The following CDH13 variants were observed in gnomAD, a reference collection of about 807,000 sequenced individuals.
The protein encoded by CDH13 is cadherin 13, also known as cadherin-13.
In CDH13, 24 loss-of-function variants were observed where a neutral mutation model predicts 63.8. The observed-to-expected ratio is 0.38, with a 90% CI of 0.27 to 0.53. The LOEUF is 0.53. Ranked by LOEUF, CDH13 falls within the 20% of genes least tolerant of loss-of-function variation. The pLI, the probability that CDH13 is intolerant of heterozygous loss-of-function variation, is 0.85. For synonymous variants in CDH13, 503 were observed against 355.3 expected, an observed-to-expected ratio of 1.42 and a Z score of -4.67; for missense variants, 1,049 against 903.1, an observed-to-expected ratio of 1.16 and a Z score of -2.07.
rs1322321397 is a variant in CDH13 at position 83,545,483 on chromosome 16, C to G, written c.961-56971C>G. 6.6e-5 allele frequency among the ~76,000 whole-genome samples: 10 copies of G among 152,328 alleles called. No individual in the cohort carries two copies. The South Asian group carries it at 1.2e-3, about 19-fold the overall frequency. ...CTCATGCTTAAAGAAGTCTCATTGTCTGCACTGTCCAGAGAGGGGAAAGTC... is the reference window on the plus strand; with the variant it reads ...CTCATGCTTAAAGAAGTCTCATTGTGTGCACTGTCCAGAGAGGGGAAAGTC... On this transcript the variant is annotated intron_variant, in intron 7 of 13. Transcript: ENST00000567109.
chr16:82,716,774 T>C (rs1686696590), intron 1 of CDH13, among the ~76,000 whole-genome samples: 1 of 151,358 alleles, frequency 6.6e-6, no homozygotes, highest in South Asian at 2.1e-4. Context: ...CCAGGTCTGT[T>C]TTAATGAGCC....
At chr16:82,709,507 C>G (rs935936585) in intron 1 of CDH13, among the ~76,000 whole-genome samples, 2 of 152,154 alleles carry the variant, frequency 1.3e-5, no homozygotes, top group African/African-American at 4.8e-5. Context: ...TAACTCTAGG[C>G]TGGTTACTCA....
chr16:83,185,140 G>C (rs1266273483), intron 4 of CDH13, among the ~76,000 whole-genome samples: 1 of 152,082 alleles, frequency 6.6e-6, no homozygotes, highest in Non-Finnish European at 1.5e-5. Context: ...GGGTCCTACA[G>C]CTGGTCGTGG....
chr16:82,753,600 G>C (rs1384336178), intron 1 of CDH13, among the ~76,000 whole-genome samples: 1 of 152,126 alleles, frequency 6.6e-6, no homozygotes, highest in Non-Finnish European at 1.5e-5. Flanking sequence ...ATTCTTTATA[G>C]CCAAATGGAA....
Position 82,659,638 on chromosome 16 carries a change from C to A in CDH13, c.45+32501C>A, listed in dbSNP as rs7199579. Among the ~76,000 whole-genome samples the A allele has an allele frequency of 4.4e-3, 666 of 152,292 alleles. 2 individuals carry two copies. Among genetic ancestry groups the A allele is most frequent in the African/African-American group, 0.015 (630 of 41,550 alleles). On this transcript the variant is annotated intron_variant, in intron 1 of 13. Transcript: ENST00000567109. ...ATATAATACCACGTCCACAAGAACC[C>A]ACCCACAGGCCAGGTACTGTGCGAG... is the stretch of plus-strand genomic sequence containing the variant.
intron 5 of CDH13, among the ~76,000 whole-genome samples, chr16:83,285,767 A>G (rs963637785): frequency 6.6e-6 from 1 of 152,132 alleles, no homozygotes; most frequent in African/African-American, 2.4e-5. Context: ...CCAAGGGACA[A>G]TTGTAACTGG....
chr16:83,318,738 C>G (rs927968845), intron 5 of CDH13, among the ~76,000 whole-genome samples: 1 of 152,150 alleles, frequency 6.6e-6, no homozygotes, highest in Non-Finnish European at 1.5e-5. Context: ...CTCAGAAGGT[C>G]TGCCAGGAAC....
intron 1 of CDH13, among the ~76,000 whole-genome samples, chr16:82,659,943 G>T (rs1050882587): frequency 6.6e-6 from 1 of 152,110 alleles, no homozygotes; most frequent in Non-Finnish European, 1.5e-5. Context: ...GGAGGGAAAG[G>T]GGGGAAAGTG....
chr16:82,750,947 C>A (rs1022829022), intron 1 of CDH13, among the ~76,000 whole-genome samples: 1 of 152,136 alleles, frequency 6.6e-6, no homozygotes, highest in Non-Finnish European at 1.5e-5. Context: ...ATCTTCAAAC[C>A]ACAACAGTGA....
At chr16:82,760,767 C>G (rs1000983521) in intron 1 of CDH13, among the ~76,000 whole-genome samples, 1 of 152,042 alleles carries the variant, frequency 6.6e-6, no homozygotes, top group Non-Finnish European at 1.5e-5. Flanking sequence ...TGGTGAGGGC[C>G]TCAGGCAGTT....
intron 5 of CDH13, among the ~76,000 whole-genome samples, chr16:83,239,630 A>AT (rs1319061980): frequency 6.6e-6 from 1 of 152,110 alleles, no homozygotes; most frequent in East Asian, 1.9e-4. Flanking sequence ...GACTGAGGTG[A>AT]TTTTTTTCTG....
chr16:83,034,071 G>A (rs1247272347), intron 3 of CDH13, among the ~76,000 whole-genome samples: 4 of 152,138 alleles, frequency 2.6e-5, no homozygotes, highest in Admixed American at 6.5e-5. Context: ...TGCTGTCTGT[G>A]TGATCTTGAG....
Position 83,624,063 on chromosome 16 carries a change from A to C in CDH13, c.1101+21469A>C, listed in dbSNP as rs541993629. Among the ~76,000 whole-genome samples the C allele has an allele frequency of 5.3e-5, 8 of 152,258 alleles. No homozygotes were observed. The South Asian group carries it at 1.7e-3, about 32-fold the overall frequency. ...TCCAGCTTCAGGTGCAGCTGCGTCT[A>C]AGCCCTCAGACAATGTGGACGGGAT... On this transcript the variant is annotated intron_variant, in intron 8 of 13. Transcript: ENST00000567109.
At chr16:83,650,382 G>C (rs1912255835) in intron 8 of CDH13, among the ~76,000 whole-genome samples, 1 of 152,132 alleles carries the variant, frequency 6.6e-6, no homozygotes, top group South Asian at 2.1e-4. Context: ...CCCAGAAAAT[G>C]TTACTATGCT....
At chr16:83,472,126 C>T (rs9922036) in intron 6 of CDH13, among the ~76,000 whole-genome samples, 3,822 of 152,234 alleles carry the variant, frequency 0.025, 165 homozygotes, top group African/African-American at 0.087. Flanking sequence ...TTAATCCATG[C>T]ACCAACCCCA....
intron 5 of CDH13, among the ~76,000 whole-genome samples, chr16:83,286,098 T>A (rs565149856): frequency 1.3e-5 from 2 of 152,144 alleles, no homozygotes; most frequent in Non-Finnish European, 2.9e-5. Context: ...CTGGCAAGTC[T>A]GAGCAACGTT....
chr16:83,293,902 C>A (rs1366161175), intron 5 of CDH13, among the ~76,000 whole-genome samples: 1 of 152,040 alleles, frequency 6.6e-6, no homozygotes, highest in Admixed American at 6.5e-5. Flanking sequence ...TATACTATGC[C>A]CTTAGCATGT....
chr16:82,886,119 G>A (rs116278608), intron 2 of CDH13, among the ~76,000 whole-genome samples: 2 of 152,022 alleles, frequency 1.3e-5, no homozygotes, highest in African/African-American at 2.4e-5. Context: ...TCATTTTAAA[G>A]GTTTCTTTAA....
At chr16:82,994,734 A>G (rs1340073065) in intron 2 of CDH13, among the ~76,000 whole-genome samples, 4 of 152,220 alleles carry the variant, frequency 2.6e-5, no homozygotes, top group Admixed American at 2.0e-4. Context: ...TCAAGCCCCA[A>G]ACAAACACTT....
Sources: gnomAD v4.1 joint callset for allele counts (sites outside exome capture counted in the v4.1 genomes callset) on GRCh38, gnomAD v4.1.1 for gene constraint, MANE v1.5 for transcripts, NCBI Gene and HGNC (gene_info 2026-07-23, HGNC 2026-07-21) for gene names.